TMEM245: variants seen among roughly 807,000 people sequenced by gnomAD.
TMEM245 encodes the protein transmembrane protein 245.
A neutral mutation model predicts 101.2 loss-of-function variants in TMEM245; 69 were observed. The ratio of observed to expected loss-of-function variants is 0.68; its 90% confidence interval spans 0.56 to 0.83. The LOEUF (loss-of-function observed/expected upper bound fraction) is 0.83. TMEM245 is among the 40% of genes least tolerant of loss of function. TMEM245 has a pLI of 0.00. For missense variants in TMEM245, 1,075 were observed against 1,092.8 expected (o/e 0.98, Z 0.23); for synonymous variants, 537 against 449.8 (o/e 1.19, Z -2.45).
chr9:109,083,916 A>AAAAACAAAAAAAC (rs1829751280), intron 7 of TMEM245, among the ~76,000 whole-genome samples: 2 of 132,502 alleles, frequency 1.5e-5, no homozygotes, highest in Admixed American at 8.7e-5. Flanking sequence ...AAAAAAAAAA[A>AAAAACAAAAAAAC]AAAAAAAAAA....
chr9:109,057,325 A>G lies in TMEM245; in HGVS notation c.1723-3T>C. Reference sequence around the variant, plus strand: ...TGCCTTCCAGAGTGTGTTACATTCTATGGAATAAAACAGTGCAGACATGAA... The same window carrying G: ...TGCCTTCCAGAGTGTGTTACATTCTGTGGAATAAAACAGTGCAGACATGAA... On this transcript the variant is annotated splice_polypyrimidine_tract_variant and splice_region_variant and intron_variant, in intron 11 of 17. Transcript: ENST00000374586. 1 of 1,613,448 alleles carries G rather than the reference A, an allele frequency of 6.2e-7. No individual in the cohort carries two copies. Among genetic ancestry groups the G allele is most frequent in the Non-Finnish European group, 8.5e-7 (1 of 1,179,626 alleles).
intron 17 of TMEM245, among the ~76,000 whole-genome samples, chr9:109,028,150 T>C (rs1212702259): frequency 6.6e-6 from 1 of 151,138 alleles, no homozygotes; most frequent in Non-Finnish European, 1.5e-5. Flanking sequence ...AATCCAAGAA[T>C]CTAAAATCCA....
intron 3 of TMEM245, among the ~76,000 whole-genome samples, chr9:109,095,071 C>T (rs911258710): frequency 3.9e-5 from 6 of 152,178 alleles, no homozygotes; most frequent in Non-Finnish European, 2.9e-5. Flanking sequence ...CTAATAAATG[C>T]CCCTGTGACC....
intron 1 of TMEM245, among the ~76,000 whole-genome samples, chr9:109,111,749 C>T (rs1178744741): frequency 7.2e-5 from 11 of 152,134 alleles, no homozygotes; most frequent in African/African-American, 2.4e-4. Context: ...AGACTTTCAA[C>T]AGTATGATGA....
chr9:109,023,355 A>G (rs1416465013), intron 17 of TMEM245, among the ~76,000 whole-genome samples: 1 of 152,250 alleles, frequency 6.6e-6, no homozygotes, highest in Non-Finnish European at 1.5e-5. Flanking sequence ...TTCCAGAGGC[A>G]TAGCTCTAAC....
At chr9:109,040,511 C>G (rs1230886356) in intron 14 of TMEM245, among the ~76,000 whole-genome samples, 1 of 152,170 alleles carries the variant, frequency 6.6e-6, no homozygotes, top group African/African-American at 2.4e-5. Context: ...TCCCTAAACT[C>G]TGGCCTCTGA....
intron 2 of TMEM245, among the ~76,000 whole-genome samples, chr9:109,107,405 A>G (rs1405491366): frequency 2.7e-5 from 4 of 150,052 alleles, no homozygotes; most frequent in Non-Finnish European, 4.4e-5. Context: ...TCTCAAAAAA[A>G]AAAAAAAAAA....
intron 17 of TMEM245, among the ~76,000 whole-genome samples, chr9:109,026,659 C>T (rs1564167186): frequency 1.3e-5 from 2 of 150,608 alleles, no homozygotes; most frequent in East Asian, 1.9e-4. Context: ...ACCTGGCATA[C>T]GTGATAGAGT....
rs1050351879 is a variant in TMEM245 at position 109,033,350 on chromosome 9, C to A, written c.2551G>T (p.Val851Phe). The stretch of plus-strand genomic sequence containing the variant: ...CATGGGGTCTGGTTTGGCGTGGGAA[C>A]TGAATTCGTGGGACTCACTAGCATG... ...SAMLVSPTNS[V>F]PTPNQTPWPA... is the part of the protein sequence containing the mutation. Residue 851 changes from valine to phenylalanine, a missense_variant, in exon 17 of 18, where the codon GTT (valine) becomes TTT (phenylalanine). Physicochemically the swap from Val to Phe is conservative, Grantham distance 50. Around this residue, in one of 2 missense-constraint regions of TMEM245, gnomAD observed 267 missense variants for 351.3 expected, o/e 0.76. Coordinates refer to ENST00000374586, the MANE Select transcript of TMEM245 (RefSeq NM_032012.4). The A allele has an allele frequency of 6.2e-7, 1 of 1,613,588 alleles. No homozygotes were observed. The highest frequency in any genetic ancestry group is 1.3e-5 in the African/African-American group (1 of 75,024).
Position 109,064,503 on chromosome 9 carries a change from A to G in TMEM245, c.1597T>C (p.Tyr533His). ...TTGTGAGTTATCCATTCTCGTCCAT[A>G]CTGATACACGTTGTTAGCCGCAGAA... The part of the protein sequence containing the change: ...LNSAANNVYQ[Y>H]GREWITHKLH... Residue 533 changes from tyrosine (Y) to histidine (H), a missense_variant, in exon 10 of 18, where the codon TAT (tyrosine) becomes CAT (histidine). By Grantham distance (83) the Tyr-to-His change is moderately conservative. Around this residue, in one of 2 missense-constraint regions of TMEM245, gnomAD observed 808 missense variants for 741.5 expected, o/e 1.09. Coordinates refer to ENST00000374586, the MANE Select transcript of TMEM245 (RefSeq NM_032012.4). 3.1e-6 allele frequency: 5 copies of G among 1,613,890 alleles called. No individual in the cohort carries two copies. Among genetic ancestry groups the G allele is most frequent in the Non-Finnish European group, 3.4e-6 (4 of 1,179,832 alleles).
rs989231854 is a variant in TMEM245, at chr9:109,076,396, G to T, written c.1450-2958C>A. Among the ~76,000 whole-genome samples, 3 of 139,686 alleles carry T rather than the reference G, an allele frequency of 2.1e-5. 1 individual carries two copies. The highest frequency in any genetic ancestry group is 7.8e-5 in the African/African-American group (3 of 38,630). 91.6% of individuals were successfully genotyped at this position (139,686 alleles called of 152,430 possible). A position where few individuals can be genotyped will look rare whatever the true frequency, so the allele number is the denominator to read the frequency against. ...GACCCACTGTGGGGTGGGGGGGAGG[G>T]GGGAGGGATAGCATTAGGAGATACA... On this transcript the variant is annotated intron_variant, in intron 8 of 17. Transcript: ENST00000374586.
At position 109,049,700 on chromosome 9, in the gene TMEM245, G is replaced by T. The variant is rs1044233653; in HGVS notation, c.2123+583C>A. Among the ~76,000 whole-genome samples the T allele has an allele frequency of 3.3e-5, 5 of 152,158 alleles. No individual in the cohort carries two copies. The East Asian group carries it at 9.7e-4, about 30-fold the overall frequency. On this transcript the variant is annotated intron_variant, in intron 14 of 17. Coordinates refer to ENST00000374586, the MANE Select transcript of TMEM245 (RefSeq NM_032012.4). ...AAATTAACTGGGTGTGGTGGTGCAC[G>T]CCTGTAATCCCAGCTACTTGGGAGG...
At chr9:109,058,739 G>A (rs931568992) in intron 11 of TMEM245, among the ~76,000 whole-genome samples, 3 of 151,898 alleles carry the variant, frequency 2.0e-5, no homozygotes, top group East Asian at 1.9e-4. Flanking sequence ...CAGTCTCCCC[G>A]AGTAGCTAGG....
intron 16 of TMEM245, among the ~76,000 whole-genome samples, chr9:109,034,182 C>CA (rs1828051522): frequency 1.3e-5 from 2 of 152,164 alleles, no homozygotes; most frequent in Non-Finnish European, 2.9e-5. Flanking sequence ...ATCAGAAGGA[C>CA]TGGGAAATAA....
At chr9:109,020,613 A>G in intron 17 of TMEM245, 108 bp from the exon 18 acceptor site, 1 of 988,206 alleles carries the variant, frequency 1.0e-6, no homozygotes, top group Non-Finnish European at 1.5e-6. Flanking sequence ...TTTTTTCTTA[A>G]GATTTTCATT....
chr9:109,095,608 AAG>A (rs1280555627), intron 3 of TMEM245, among the ~76,000 whole-genome samples: 3 of 152,232 alleles, frequency 2.0e-5, no homozygotes, highest in Admixed American at 6.5e-5. Flanking sequence ...TGTTTATTCT[AAG>A]AGGAAGAAGA....
intron 17 of TMEM245, among the ~76,000 whole-genome samples, chr9:109,026,590 G>A (rs1014324465): frequency 6.6e-6 from 1 of 150,556 alleles, no homozygotes; most frequent in Non-Finnish European, 1.5e-5. Context: ...AAAAAAAAAA[G>A]AACTAAGAGG....
intron 17 of TMEM245, among the ~76,000 whole-genome samples, chr9:109,021,412 C>G (rs1827617929): frequency 6.6e-6 from 1 of 152,196 alleles, no homozygotes; most frequent in Non-Finnish European, 1.5e-5. Context: ...TATTACCATT[C>G]TTTTAGATAG....
intron 12 of TMEM245, among the ~76,000 whole-genome samples, chr9:109,055,540 C>A (rs1390898198): frequency 2.0e-5 from 3 of 151,912 alleles, no homozygotes; most frequent in African/African-American, 7.3e-5. Flanking sequence ...TAGTAATATT[C>A]TCAAATAAGT....
Sources: allele counts gnomAD v4.1 joint callset (sites outside exome capture counted in the v4.1 genomes callset), GRCh38; gene constraint gnomAD v4.1.1; regional missense constraint gnomAD v4.1.1; transcripts MANE v1.5; gene names NCBI Gene and HGNC (gene_info 2026-07-23, HGNC 2026-07-21).